The following CCDC50 variants were observed in gnomAD, a reference collection of about 807,000 sequenced individuals.
CCDC50 encodes coiled-coil domain-containing protein 50.
In CCDC50, 54 loss-of-function variants were observed where a neutral mutation model predicts 70.2. The observed-to-expected ratio is 0.77, with a 90% CI of 0.62 to 0.96. CCDC50 has a LOEUF of 0.96. Ranked by LOEUF, CCDC50 falls within the 50% of genes least tolerant of loss-of-function variation. The pLI is 0.00. For missense variants in CCDC50, 558 were observed against 578.7 expected, an observed-to-expected ratio of 0.96 and a Z score of 0.37; for synonymous variants, 216 against 198.8, an observed-to-expected ratio of 1.09 and a Z score of -0.73.
chr3:191,332,892 G>T (rs374060721), intron 1 of CCDC50, among the ~76,000 whole-genome samples: 23 of 152,204 alleles, frequency 1.5e-4, no homozygotes, highest in African/African-American at 4.8e-4. Context: ...GGCCTTTCTA[G>T]ACATTTTGGC....
intron 4 of CCDC50, among the ~76,000 whole-genome samples, chr3:191,366,021 C>T (rs1451895830): frequency 1.3e-5 from 2 of 152,114 alleles, no homozygotes; most frequent in East Asian, 3.9e-4. Flanking sequence ...ACAGAAATAC[C>T]CTAAGGAAGC....
chr3:191,353,529 A>C (rs1298593497), intron 1 of CCDC50, among the ~76,000 whole-genome samples: 1 of 141,450 alleles, frequency 7.1e-6, no homozygotes, highest in Non-Finnish European at 1.6e-5. Context: ...GGAGGTTAGA[A>C]AAGGAGAAAA....
intron 1 of CCDC50, among the ~76,000 whole-genome samples, chr3:191,352,693 T>C (rs553582735): frequency 1.4e-5 from 2 of 142,462 alleles, no homozygotes; most frequent in East Asian, 3.9e-4. Flanking sequence ...GTGTGATTCA[T>C]TTTATTGCAA....
intron 4 of CCDC50, among the ~76,000 whole-genome samples, chr3:191,368,350 A>G (rs1472035861): frequency 1.3e-5 from 2 of 152,068 alleles, no homozygotes. Flanking sequence ...TAAGTGTCTG[A>G]AACTATTGCA....
At chr3:191,383,041 T>C (rs138326351) in intron 10 of CCDC50, among the ~76,000 whole-genome samples, 1 of 152,288 alleles carries the variant, frequency 6.6e-6, no homozygotes, top group African/African-American at 2.4e-5. Context: ...ATAGTTGGGG[T>C]GGATAAGGAA....
chr3:191,389,108 T>C (rs1713596586), intron 10 of CCDC50, among the ~76,000 whole-genome samples: 1 of 152,132 alleles, frequency 6.6e-6, no homozygotes, highest in African/African-American at 2.4e-5. Context: ...CTTTCCTTTC[T>C]TCCTTGGCTT....
chr3:191,382,579 A>T (rs188067494), intron 9 of CCDC50, among the ~76,000 whole-genome samples, 167 bp from the exon 10 acceptor site: 2 of 152,258 alleles, frequency 1.3e-5, no homozygotes, highest in African/African-American at 4.8e-5. Context: ...GAGTGGCCAT[A>T]TATAAAAATA....
intron 9 of CCDC50, among the ~76,000 whole-genome samples, chr3:191,382,068 C>T (rs1394749804): frequency 1.3e-5 from 2 of 152,052 alleles, no homozygotes; most frequent in Non-Finnish European, 2.9e-5. Context: ...TTCCCAAATA[C>T]TTTTGTTAAA....
intron 4 of CCDC50, among the ~76,000 whole-genome samples, chr3:191,361,541 C>G (rs549240415): frequency 1.3e-5 from 2 of 152,260 alleles, no homozygotes; most frequent in African/African-American, 4.8e-5. Flanking sequence ...TTCCTAGCTC[C>G]TGACTCCTGG....
intron 1 of CCDC50, among the ~76,000 whole-genome samples, chr3:191,340,984 G>C (rs1309794182): frequency 6.7e-6 from 1 of 148,820 alleles, no homozygotes; most frequent in Non-Finnish European, 1.5e-5. Flanking sequence ...TACAGGCCCA[G>C]CTAATTAATT....
chr3:191,373,882 T>TA (rs1251041256), intron 5 of CCDC50, among the ~76,000 whole-genome samples: 3 of 152,188 alleles, frequency 2.0e-5, no homozygotes, highest in Admixed American at 6.6e-5. Context: ...TTGGTACATT[T>TA]AGCACATACC....
In CCDC50 at chr3:191,380,871, A is replaced by G. The variant is rs114502673; in HGVS notation, c.1181A>G (p.Lys394Arg). The change falls in exon 9 of 12, where the codon AAA becomes AGA. Residue 394 changes from lysine (K) to arginine (R), a missense_variant. Lys to Arg is a conservative substitution (Grantham distance 26). Transcript: ENST00000392455. ...ATGGCTGAAGAAAAGAAAGCTTACA[A>G]AAAAGCCAAGGAGCGGGAGAAATCA... is the stretch of plus-strand genomic sequence containing the variant. ...LLMAEEKKAY[K>R]KAKEREKSSL... 10,054 of 1,613,084 alleles carry G rather than the reference A, an allele frequency of 6.2e-3. 93 individuals carry two copies. Among genetic ancestry groups the G allele is most frequent in the South Asian group, 0.026 (2,332 of 91,054 alleles).
At chr3:191,387,564 C>G (rs1200390908) in intron 10 of CCDC50, among the ~76,000 whole-genome samples, 1 of 151,896 alleles carries the variant, frequency 6.6e-6, no homozygotes, top group Non-Finnish European at 1.5e-5. Context: ...CTTAAGAGCA[C>G]TGAAGTACTC....
At chr3:191,369,795 C>T in intron 4 of CCDC50, 124 bp from the exon 5 acceptor site, 1 of 741,644 alleles carries the variant, frequency 1.3e-6, no homozygotes, top group South Asian at 1.4e-5. Flanking sequence ...AAATTAATGC[C>T]AGAAAGTCTA....
In CCDC50 at chr3:191,361,129, G is replaced by A. The variant is rs750528771; in HGVS notation, c.300G>A (p.Glu100=). The A allele has an allele frequency of 1.2e-6, 2 of 1,613,748 alleles. No individual in the cohort carries two copies. Among genetic ancestry groups the A allele is most frequent in the South Asian group, 2.2e-5 (2 of 91,076 alleles). Residue 100 remains glutamate, a synonymous_variant, in exon 4 of 12, where the codon GAG becomes GAA. Coordinates refer to ENST00000392455, the MANE Select transcript of CCDC50 (RefSeq NM_178335.3). ...EIQEKLAIEA[E]RRRIQEKKDE... is the part of the protein sequence containing the mutation. ...AGGAGAAGCTGGCTATTGAGGCAGA[G>A]AGACGACGCATTCAGGAGAAGAAGG...
At chr3:191,340,020 G>A (rs111387264) in intron 1 of CCDC50, among the ~76,000 whole-genome samples, 2 of 152,212 alleles carry the variant, frequency 1.3e-5, no homozygotes, top group African/African-American at 4.8e-5. Flanking sequence ...ATAGGCTTCA[G>A]TTATTACATT....
rs796791217 is a variant in CCDC50 at position 191,329,946 on chromosome 3, G to C, written c.49+223G>C. On this transcript the variant is annotated intron_variant, in intron 1 of 11. Transcript: ENST00000392455. ...GTTTTTTCTCAAGGGGGTGGTTGGG[G>C]GGGGGGGGGGCTAGCAGCAGCCCCA... Among the ~76,000 whole-genome samples the C allele has an allele frequency of 0.019, 1,866 of 100,128 alleles. 82 individuals carry two copies. Among genetic ancestry groups the C allele is most frequent in the African/African-American group, 0.11 (1,754 of 16,666 alleles). 65.7% of individuals were successfully genotyped at this position (100,128 alleles called of 152,430 possible).
At chr3:191,363,677 C>T (rs1371755566) in intron 4 of CCDC50, among the ~76,000 whole-genome samples, 1 of 152,212 alleles carries the variant, frequency 6.6e-6, no homozygotes, top group Non-Finnish European at 1.5e-5. Flanking sequence ...CGTTTACACA[C>T]GTGTCATTAC....
At chr3:191,379,690 G>C (rs1021163503) in intron 6 of CCDC50, among the ~76,000 whole-genome samples, 1 of 152,120 alleles carries the variant, frequency 6.6e-6, no homozygotes, top group Admixed American at 6.6e-5. Context: ...AGGTGCTGCT[G>C]TTCCTGCTCC....
Sources: gnomAD v4.1 joint callset for allele counts (sites outside exome capture counted in the v4.1 genomes callset) on GRCh38, gnomAD v4.1.1 for gene constraint, MANE v1.5 for transcripts, NCBI Gene and HGNC (gene_info 2026-07-23, HGNC 2026-07-21) for gene names.